The following GRIK1 variants were observed in gnomAD, a reference collection of about 807,000 sequenced individuals.
GRIK1 encodes glutamate receptor ionotropic, kainate 1.
In GRIK1, 69 loss-of-function variants were observed where a neutral mutation model predicts 105.7. The ratio of observed to expected loss-of-function variants is 0.65; its 90% CI spans 0.54 to 0.80. The LOEUF (loss-of-function observed/expected upper bound fraction) is 0.80, where lower values mean the gene tolerates loss of function less well. Among genes scored for constraint, GRIK1 ranks in the 30% least tolerant of loss-of-function variants. GRIK1 has a pLI of 0.00. For synonymous variants in GRIK1, 438 were observed against 431.3 expected (o/e 1.02, Z -0.19); for missense variants, 1,109 against 1,167.3 (o/e 0.95, Z 0.73).
intron 1 of GRIK1, among the ~76,000 whole-genome samples, chr21:29,755,278 C>T (rs1256905193): frequency 2.0e-5 from 3 of 152,166 alleles, no homozygotes; most frequent in Non-Finnish European, 4.4e-5. Context: ...CTTAGAAAGC[C>T]TAGCCTTGAG....
intron 1 of GRIK1, among the ~76,000 whole-genome samples, chr21:29,706,260 C>T (rs963787603): frequency 2.0e-5 from 3 of 152,162 alleles, no homozygotes; most frequent in African/African-American, 4.8e-5. Context: ...TTTAAAAAAT[C>T]CATCCTTTTA....
At chr21:29,704,766 G>A (rs772244313) in intron 1 of GRIK1, among the ~76,000 whole-genome samples, 3 of 152,100 alleles carry the variant, frequency 2.0e-5, no homozygotes, top group East Asian at 3.9e-4. Flanking sequence ...CAACAATCAC[G>A]GCCCATTGTC....
At chr21:29,789,338 G>C (rs2066348187) in intron 1 of GRIK1, among the ~76,000 whole-genome samples, 1 of 152,126 alleles carries the variant, frequency 6.6e-6, no homozygotes, top group Non-Finnish European at 1.5e-5. Context: ...TTGTTAATTT[G>C]ACTTAACCAA....
In GRIK1 at chr21:29,689,866, T is replaced by C; in HGVS notation, c.406A>G (p.Lys136Glu). 2 of 1,614,028 alleles carry C rather than the reference T, an allele frequency of 1.2e-6. No individual in the cohort carries two copies. Among genetic ancestry groups the C allele is most frequent in the Middle Eastern group, 1.6e-4 (1 of 6,062 alleles). Residue 136 changes from lysine (K) to glutamate (E), a missense_variant, in exon 3 of 18, where the codon AAA becomes GAA. This residue lies in a region of GRIK1 where 612 missense variants were observed against 586.0 expected (regional missense o/e 1.04). Coordinates refer to ENST00000327783, the MANE Select transcript of GRIK1 (RefSeq NM_001330994.2). The part of the protein sequence containing the change: ...LEVPHIQTRW[K>E]HPSVDNKDLF... ...TCTTTGTTGTCCACCGAGGGGTGTT[T>C]CCAGCGGGTCTGTATGTGTGGAACT...
intron 7 of GRIK1, among the ~76,000 whole-genome samples, chr21:29,599,754 C>T (rs753146480): frequency 2.8e-4 from 42 of 152,174 alleles, no homozygotes; most frequent in Non-Finnish European, 5.7e-4. Context: ...CCTTCCACTG[C>T]GCTCCAGGAG....
At chr21:29,637,694 G>A (rs1193445281) in intron 7 of GRIK1, among the ~76,000 whole-genome samples, 1 of 152,170 alleles carries the variant, frequency 6.6e-6, no homozygotes, top group Admixed American at 6.5e-5. Flanking sequence ...CTTGATAGTG[G>A]ACTTCCCAGC....
intron 1 of GRIK1, among the ~76,000 whole-genome samples, chr21:29,872,482 A>G (rs1202288834): frequency 1.3e-5 from 2 of 152,156 alleles, no homozygotes; most frequent in African/African-American, 4.8e-5. Flanking sequence ...CAAATTATAC[A>G]GCATCTCTTT....
At chr21:29,652,788 G>T (rs2062765937) in intron 5 of GRIK1, among the ~76,000 whole-genome samples, 2 of 152,204 alleles carry the variant, frequency 1.3e-5, no homozygotes, top group South Asian at 2.1e-4. Flanking sequence ...TTCTGAAAGT[G>T]CATTGCAAGA....
At chr21:29,540,991 C>CAGG (rs2089959756) in intron 16 of GRIK1, among the ~76,000 whole-genome samples, 1 of 128,358 alleles carries the variant, frequency 7.8e-6, no homozygotes, top group Admixed American at 8.8e-5. Flanking sequence ...TTTTTTTTGA[C>CAGG]AGAGTCTCAC....
At chr21:29,604,235 C>T (rs529523856) in intron 7 of GRIK1, among the ~76,000 whole-genome samples, 3 of 152,042 alleles carry the variant, frequency 2.0e-5, no homozygotes, top group Non-Finnish European at 2.9e-5. Context: ...ATCCAAGTGG[C>T]AAAAAAGTTC....
chr21:29,543,819 C>A (rs1030910226), intron 16 of GRIK1, among the ~76,000 whole-genome samples: 2 of 152,208 alleles, frequency 1.3e-5, no homozygotes, highest in African/African-American at 2.4e-5. Context: ...GCAGCCACGT[C>A]TTGCCTGGCC....
intron 1 of GRIK1, among the ~76,000 whole-genome samples, chr21:29,722,340 G>A (rs2146861126): frequency 6.6e-6 from 1 of 152,024 alleles, no homozygotes; most frequent in Non-Finnish European, 1.5e-5. Context: ...GCAGATCACA[G>A]GGTCAGGAGA....
chr21:29,782,281 T>G (rs1184852154), intron 1 of GRIK1, among the ~76,000 whole-genome samples: 1 of 151,496 alleles, frequency 6.6e-6, no homozygotes, highest in Non-Finnish European at 1.5e-5. Context: ...AGAGACAGGG[T>G]TTCACCGTGT....
chr21:29,825,774 A>G (rs1276715799), intron 1 of GRIK1, among the ~76,000 whole-genome samples: 1 of 152,120 alleles, frequency 6.6e-6, no homozygotes, highest in Non-Finnish European at 1.5e-5. Context: ...ATTACTGCCA[A>G]ATACTATCCT....
chr21:29,866,075 T>C (rs2068791832), intron 1 of GRIK1, among the ~76,000 whole-genome samples: 2 of 152,248 alleles, frequency 1.3e-5, no homozygotes, highest in African/African-American at 4.8e-5. Context: ...TTACTTTTTT[T>C]TTTTCTTTTA....
intron 1 of GRIK1, among the ~76,000 whole-genome samples, chr21:29,762,354 C>T (rs1232863841): frequency 6.6e-6 from 1 of 152,168 alleles, no homozygotes; most frequent in Non-Finnish European, 1.5e-5. Context: ...AAAATCATAG[C>T]ATTTTCTCTC....
chr21:29,741,494 G>T (rs1038441105), intron 1 of GRIK1, among the ~76,000 whole-genome samples: 3 of 152,036 alleles, frequency 2.0e-5, no homozygotes, highest in Non-Finnish European at 4.4e-5. Context: ...CAGCCAAGAA[G>T]CAAATTTTTA....
intron 6 of GRIK1, among the ~76,000 whole-genome samples, chr21:29,649,092 T>C (rs2062675357): frequency 6.6e-6 from 1 of 151,982 alleles, no homozygotes; most frequent in African/African-American, 2.4e-5. Flanking sequence ...GCCCTTCACC[T>C]CCCATGACAC....
chr21:29,781,710 C>CCGGACTT (rs1569085865), intron 1 of GRIK1, among the ~76,000 whole-genome samples: 1 of 78,296 alleles, frequency 1.3e-5, no homozygotes. Context: ...GTCGCCCAGG[C>CCGGACTT]CGGACTGCGG....
Sources: gnomAD v4.1 joint callset for allele counts (sites outside exome capture counted in the v4.1 genomes callset) on GRCh38, gnomAD v4.1.1 for gene constraint, gnomAD v4.1.1 regional missense constraint, MANE v1.5 for transcripts, NCBI Gene and HGNC (gene_info 2026-07-23, HGNC 2026-07-21) for gene names.